The following DISC1 variants were observed in gnomAD, a reference collection of about 807,000 sequenced individuals.
DISC1 encodes the protein DISC1 scaffold protein, also known as disrupted in schizophrenia 1 protein.
DISC1 carries 57 observed loss-of-function variants against 84.5 expected under a neutral mutation model. The observed-to-expected ratio is 0.67, with a 90% CI of 0.55 to 0.84. The LOEUF is 0.84. Among genes scored for constraint, DISC1 ranks in the 40% least tolerant of loss-of-function variants. DISC1 has a pLI of 0.00. For synonymous variants in DISC1, 411 were observed against 415.2 expected, an observed-to-expected ratio of 0.99 and a Z score of 0.12; for missense variants, 1,000 against 1,057.8, an observed-to-expected ratio of 0.95 and a Z score of 0.76.
chr1:231,886,754 TCTTCCTTC>T lies in DISC1; in HGVS notation c.1981+68245_1981+68252del, dbSNP rs547981455. Among the ~76,000 whole-genome samples the T allele has an allele frequency of 1.4e-4, 18 of 124,170 alleles. No homozygotes were observed. The South Asian group carries it at 1.8e-3, about 12-fold the overall frequency. The allele number at this position is 124,170 out of a possible 152,430, so 81.5% of individuals were successfully genotyped here. A position where few individuals can be genotyped will look rare whatever the true frequency, so the allele number is the denominator to read the frequency against. On this transcript the variant is annotated intron_variant, in intron 9 of 12. Transcript: ENST00000439617. ...CTGACTTTCTTTCTCTTTCTTCCTT[TCTTCCTTC>T]CTTCCTTTCTTTCTTTCTTTCTTTC...
rs143165003 is a variant in DISC1, at chr1:231,771,055, C to T, written c.1619C>T (p.Pro540Leu). The change falls in exon 6 of 13, where the codon CCG becomes CTG. Residue 540 changes from proline (P) to leucine (L), a missense_variant. By Grantham distance (98) the Pro-to-Leu change is moderately conservative (BLOSUM62 -3). This residue lies in a region of DISC1 where 397 missense variants were observed against 377.5 expected (regional missense o/e 1.05). Coordinates refer to ENST00000439617, the MANE Select transcript of DISC1 (RefSeq NM_018662.3). ...AGQIPFHAEP[P>L]ETIRSLQERI... ...CAGATTCCCTTCCATGCAGAGCCAC[C>T]GGAAACCATAAGGAGGTACTGCTGA... The T allele has an allele frequency of 6.6e-5, 106 of 1,602,612 alleles. No homozygotes were observed. The highest frequency in any genetic ancestry group is 8.6e-5 in the Non-Finnish European group (101 of 1,173,908).
At chr1:232,002,771 C>T (rs944385510) in intron 10 of DISC1, among the ~76,000 whole-genome samples, 1 of 152,046 alleles carries the variant, frequency 6.6e-6, no homozygotes, top group Non-Finnish European at 1.5e-5. Flanking sequence ...GGGACGTAGG[C>T]AGGTGTGGTT....
chr1:231,849,455 G>C (rs1013380556), intron 9 of DISC1, among the ~76,000 whole-genome samples: 1 of 152,146 alleles, frequency 6.6e-6, no homozygotes, highest in African/African-American at 2.4e-5. Context: ...CTAGTGCTCA[G>C]AGAGGTTAGA....
chr1:231,903,709 C>G (rs1281975404), intron 9 of DISC1, among the ~76,000 whole-genome samples: 1 of 152,150 alleles, frequency 6.6e-6, no homozygotes, highest in Non-Finnish European at 1.5e-5. Flanking sequence ...TGTTGGGCAT[C>G]TGTGAGGAGC....
At chr1:232,006,892 C>T (rs1426582058) in intron 10 of DISC1, among the ~76,000 whole-genome samples, 3 of 152,252 alleles carry the variant, frequency 2.0e-5, no homozygotes, top group East Asian at 3.9e-4. Context: ...GTGCCCAGGG[C>T]CTTGCAGCTT....
chr1:232,027,673 C>G (rs1669606462), intron 12 of DISC1, among the ~76,000 whole-genome samples: 1 of 152,192 alleles, frequency 6.6e-6, no homozygotes, highest in Non-Finnish European at 1.5e-5. Flanking sequence ...ATTCATTCAT[C>G]TTTCTATTCA....
intron 1 of DISC1, 100 bp from the exon 2 acceptor site, chr1:231,693,726 G>C: frequency 6.3e-7 from 1 of 1,577,496 alleles, no homozygotes; most frequent in Admixed American, 1.7e-5. Context: ...CAGGTGTACT[G>C]AGAGATGACC....
At chr1:231,786,828 C>T (rs1380159128) in intron 6 of DISC1, among the ~76,000 whole-genome samples, 4 of 152,134 alleles carry the variant, frequency 2.6e-5, no homozygotes, top group Middle Eastern at 3.2e-3. Flanking sequence ...ATGCCCACTG[C>T]ACTGCGTCCA....
intron 1 of DISC1, among the ~76,000 whole-genome samples, chr1:231,634,136 G>A (rs1281170488): frequency 1.3e-5 from 2 of 152,052 alleles, no homozygotes; most frequent in Non-Finnish European, 2.9e-5. Context: ...CGCCTGCCTC[G>A]GCTTCTCAAA....
In DISC1 at chr1:232,038,233, G is replaced by A. The variant is rs1356390084; in HGVS notation, c.*1402G>A. Reference sequence around the variant, plus strand: ...ACTGAGTACTTATATAGGCAATGTAGTACTCAGTAAATCAGTGCAGTACTC... The same window carrying A: ...ACTGAGTACTTATATAGGCAATGTAATACTCAGTAAATCAGTGCAGTACTC... On this transcript the variant is annotated 3_prime_UTR_variant, in exon 13 of 13. Transcript: ENST00000439617. The A allele has an allele frequency of 1.3e-5, 2 of 152,112 alleles. No homozygotes were observed. Among genetic ancestry groups the A allele is most frequent in the East Asian group, 1.9e-4 (1 of 5,184 alleles). 9.4% of individuals were successfully genotyped at this position (152,112 alleles called of 1,614,324 possible). A position where few individuals can be genotyped will look rare whatever the true frequency, so the allele number is the denominator to read the frequency against.
chr1:231,650,385 T>C (rs1422091043), intron 1 of DISC1, among the ~76,000 whole-genome samples: 1 of 152,222 alleles, frequency 6.6e-6, no homozygotes, highest in Non-Finnish European at 1.5e-5. Context: ...ATATTGAATA[T>C]TGGCCCCCAC....
At chr1:231,912,562 C>G (rs752199313) in intron 9 of DISC1, among the ~76,000 whole-genome samples, 2 of 152,184 alleles carry the variant, frequency 1.3e-5, no homozygotes, top group African/African-American at 2.4e-5. Context: ...AGAGGGGCAC[C>G]TGGCCATATG....
chr1:231,900,945 A>T (rs2126026721), intron 9 of DISC1, among the ~76,000 whole-genome samples: 1 of 152,316 alleles, frequency 6.6e-6, no homozygotes, highest in South Asian at 2.1e-4. Flanking sequence ...CCACCTTTCT[A>T]GTCTGCCATG....
intron 7 of DISC1, 68 bp from the exon 8 acceptor site, chr1:231,800,040 G>T: frequency 1.7e-6 from 2 of 1,179,300 alleles, no homozygotes; most frequent in East Asian, 2.4e-5. Context: ...TCTCTGACCT[G>T]GCTGTTCCAC....
intron 10 of DISC1, among the ~76,000 whole-genome samples, chr1:231,969,606 T>A (rs1353349848): frequency 2.0e-5 from 3 of 151,708 alleles, no homozygotes; most frequent in African/African-American, 7.3e-5. Flanking sequence ...TTCTTTTTTT[T>A]TTTTTTATTA....
At chr1:231,744,239 G>A (rs1008683553) in intron 3 of DISC1, among the ~76,000 whole-genome samples, 1 of 152,112 alleles carries the variant, frequency 6.6e-6, no homozygotes, top group Non-Finnish European at 1.5e-5. Context: ...CTCATGGCCC[G>A]AGGTGATGGC....
chr1:231,774,224 A>T (rs1323400345), intron 6 of DISC1, among the ~76,000 whole-genome samples: 1 of 152,156 alleles, frequency 6.6e-6, no homozygotes, highest in African/African-American at 2.4e-5. Context: ...ACTGCAGTCC[A>T]GCCAGGGCAA....
At chr1:231,822,166 C>T (rs2081547451) in intron 9 of DISC1, among the ~76,000 whole-genome samples, 2 of 152,148 alleles carry the variant, frequency 1.3e-5, no homozygotes, top group Admixed American at 6.6e-5. Context: ...GAGATTTAAT[C>T]ACAGAATAAT....
intron 10 of DISC1, among the ~76,000 whole-genome samples, chr1:231,969,773 C>T (rs553034312): frequency 9.1e-4 from 138 of 151,898 alleles, no homozygotes; most frequent in African/African-American, 2.9e-3. Context: ...TGACAGGCCC[C>T]GGTGTGTGAT....
Sources: gnomAD v4.1 joint callset for allele counts (sites outside exome capture counted in the v4.1 genomes callset) on GRCh38, gnomAD v4.1.1 for gene constraint, gnomAD v4.1.1 regional missense constraint, MANE v1.5 for transcripts, NCBI Gene and HGNC (gene_info 2026-07-23, HGNC 2026-07-21) for gene names.